Variants in TCF7L2 observed in about 807,000 individuals in gnomAD.
TCF7L2 encodes the protein transcription factor 7 like 2, also known as transcription factor 7-like 2.
Under a neutral mutation model 77.9 loss-of-function variants are expected in TCF7L2, and 23 were observed. That is an observed-to-expected ratio of 0.30 (90% CI 0.21 to 0.42). The LOEUF (loss-of-function observed/expected upper bound fraction) is 0.42, where lower values mean the gene tolerates loss of function less well. Among genes scored for constraint, TCF7L2 ranks in the 10% least tolerant of loss-of-function variants. TCF7L2 has a pLI of 1.00. For synonymous variants in TCF7L2, 413 were observed against 340.2 expected, an observed-to-expected ratio of 1.21 and a Z score of -2.36; for missense variants, 654 against 793.1, an observed-to-expected ratio of 0.82 and a Z score of 2.11.
chr10:113,027,005 C>T lies in TCF7L2; in HGVS notation c.451-13020C>T, dbSNP rs547625270. Reference sequence around the variant, plus strand: ...AGACTAAAACCACAAAAGCAGAGAACGAGTTGGGTTAGAGAGGCATAGTGG... The same window carrying T: ...AGACTAAAACCACAAAAGCAGAGAATGAGTTGGGTTAGAGAGGCATAGTGG... On this transcript the variant is annotated intron_variant, in intron 4 of 13. Coordinates refer to ENST00000627217, the MANE Select transcript of TCF7L2 (RefSeq NM_001146274.2). 1.2e-4 allele frequency among the ~76,000 whole-genome samples: 18 copies of T among 152,234 alleles called. No homozygotes were observed. In the South Asian group the frequency reaches 2.1e-3, roughly 18 times the overall value.
intron 4 of TCF7L2, among the ~76,000 whole-genome samples, chr10:112,999,166 C>T (rs1210269490): frequency 6.6e-6 from 1 of 152,238 alleles, no homozygotes; most frequent in Non-Finnish European, 1.5e-5. Flanking sequence ...TCCCCATTCT[C>T]ATGGGACTTT....
At chr10:113,100,711 G>A (rs905111169) in intron 5 of TCF7L2, among the ~76,000 whole-genome samples, 2 of 152,142 alleles carry the variant, frequency 1.3e-5, no homozygotes, top group African/African-American at 2.4e-5. Flanking sequence ...AGGAGTATAC[G>A]GGATTCTTTT....
intron 5 of TCF7L2, among the ~76,000 whole-genome samples, chr10:113,073,507 A>C (rs2058326631): frequency 8.2e-6 from 1 of 121,766 alleles, no homozygotes; most frequent in Admixed American, 9.2e-5. Context: ...CTCTACCAAA[A>C]AAAAAAAAAA....
intron 3 of TCF7L2, among the ~76,000 whole-genome samples, chr10:112,958,692 A>T (rs1372808803): frequency 6.6e-6 from 1 of 152,192 alleles, no homozygotes; most frequent in Non-Finnish European, 1.5e-5. Context: ...AAAATATATT[A>T]GTAAAATGCT....
At position 113,140,843 on chromosome 10, in the gene TCF7L2, G is replaced by A. The variant is rs1258481210; in HGVS notation, c.553-341G>A. ...GGAGGTCCCCACAACATGTGGAAAC[G>A]CAGTAGGCATGGGAGATTGAAGTCT... is the stretch of plus-strand genomic sequence containing the variant. On this transcript the variant is annotated intron_variant, in intron 5 of 13. Transcript: ENST00000627217. Among the ~76,000 whole-genome samples, 5 of 152,188 alleles carry A rather than the reference G, an allele frequency of 3.3e-5. No homozygotes were observed. In the East Asian group the frequency reaches 5.8e-4, roughly 18 times the overall value.
chr10:113,159,511 T>A (rs1245357795), intron 12 of TCF7L2, among the ~76,000 whole-genome samples: 1 of 152,126 alleles, frequency 6.6e-6, no homozygotes, highest in African/African-American at 2.4e-5. Flanking sequence ...TCCTTCGCTT[T>A]ATTTTCTTCT....
At chr10:113,105,942 C>CA (rs2062246643) in intron 5 of TCF7L2, among the ~76,000 whole-genome samples, 2 of 151,940 alleles carry the variant, frequency 1.3e-5, no homozygotes, top group African/African-American at 4.8e-5. Context: ...CAAAACAAAA[C>CA]AAAAAAATAG....
At chr10:113,118,663 TGTTTTTTTTTTTTTG>T (rs771991726) in intron 5 of TCF7L2, among the ~76,000 whole-genome samples, 1 of 20,390 alleles carries the variant, frequency 4.9e-5, no homozygotes, top group African/African-American at 3.1e-4. Context: ...TGTTTTTTTT[TGTTTTTTTTTTTTTG>T]TTTTTTTTAT....
chr10:113,106,977 A>G (rs1475971576), intron 5 of TCF7L2, among the ~76,000 whole-genome samples: 1 of 152,208 alleles, frequency 6.6e-6, no homozygotes, highest in Admixed American at 6.5e-5. Context: ...GTTGACCATG[A>G]TCAGAATGGA....
At chr10:113,046,828 A>C (rs949063046) in intron 5 of TCF7L2, among the ~76,000 whole-genome samples, 7 of 152,134 alleles carry the variant, frequency 4.6e-5, no homozygotes, top group African/African-American at 9.7e-5. Flanking sequence ...AATTTGGTAT[A>C]TTTCCTTTTA....
At chr10:113,058,775 C>T (rs560323923) in intron 5 of TCF7L2, among the ~76,000 whole-genome samples, 5 of 152,138 alleles carry the variant, frequency 3.3e-5, no homozygotes, top group East Asian at 1.9e-4. Flanking sequence ...TAGAGAGACC[C>T]GCAAGCACAG....
chr10:113,066,796 C>G (rs2057320748), intron 5 of TCF7L2, among the ~76,000 whole-genome samples: 1 of 152,220 alleles, frequency 6.6e-6, no homozygotes, highest in South Asian at 2.1e-4. Context: ...TTGTTTCTGA[C>G]CATTAAGGAG....
intron 4 of TCF7L2, among the ~76,000 whole-genome samples, chr10:112,991,175 AG>A (rs150078592): frequency 6.6e-6 from 1 of 152,084 alleles, no homozygotes; most frequent in African/African-American, 2.4e-5. Flanking sequence ...AGATCTTGCT[AG>A]GGGGGTGGAA....
intron 7 of TCF7L2, 52 bp from the exon 8 acceptor site, chr10:113,145,959 C>CGG: frequency 1.3e-6 from 1 of 794,980 alleles, no homozygotes. Flanking sequence ...TTTTTCTTGT[C>CGG]CCCACCCCCA....
At chr10:113,022,717 G>A (rs1005485826) in intron 4 of TCF7L2, among the ~76,000 whole-genome samples, 4 of 152,136 alleles carry the variant, frequency 2.6e-5, no homozygotes, top group African/African-American at 9.7e-5. Flanking sequence ...CAATTACCAA[G>A]CACTTACCTT....
intron 5 of TCF7L2, chr10:113,129,749 G>C: frequency 8.0e-7 from 1 of 1,250,836 alleles, no homozygotes; most frequent in Middle Eastern, 2.4e-4. Context: ...AAGCTGGGAG[G>C]AAAAAGAAAA....
intron 4 of TCF7L2, among the ~76,000 whole-genome samples, chr10:113,031,501 C>A (rs1030306471): frequency 8.4e-6 from 1 of 119,076 alleles, no homozygotes; most frequent in African/African-American, 3.3e-5. Flanking sequence ...TTTTTTTTTC[C>A]TTTTGAGATG....
At chr10:113,097,090 T>C (rs558576447) in intron 5 of TCF7L2, among the ~76,000 whole-genome samples, 1 of 151,972 alleles carries the variant, frequency 6.6e-6, no homozygotes, top group Non-Finnish European at 1.5e-5. Flanking sequence ...GCCTGTGATC[T>C]ACACACAGGG....
chr10:113,045,194 C>T (rs2053209685), intron 5 of TCF7L2, among the ~76,000 whole-genome samples: 1 of 152,106 alleles, frequency 6.6e-6, no homozygotes, highest in African/African-American at 2.4e-5. Context: ...GCATGCTAGA[C>T]ACCAAGAGAG....
Sources: gnomAD v4.1 joint callset for allele counts (sites outside exome capture counted in the v4.1 genomes callset) on GRCh38, gnomAD v4.1.1 for gene constraint, MANE v1.5 for transcripts, NCBI Gene and HGNC (gene_info 2026-07-23, HGNC 2026-07-21) for gene names.